Variants in KIAA1328 observed in about 807,000 individuals in gnomAD.
KIAA1328 encodes protein hinderin.
KIAA1328 carries 52 observed loss-of-function variants against 68.1 expected under a neutral mutation model. The ratio of observed to expected loss-of-function variants is 0.76; its 90% CI spans 0.61 to 0.96. KIAA1328 has a LOEUF of 0.96. Ranked by LOEUF, KIAA1328 falls within the 40% of genes least tolerant of loss-of-function variation. KIAA1328 has a pLI of 0.00. For missense variants in KIAA1328, 641 were observed against 677.6 expected (o/e 0.95, Z 0.60); for synonymous variants, 232 against 239.4 (o/e 0.97, Z 0.28).
In KIAA1328 at chr18:36,938,856, C is replaced by T. The variant is rs111487520; in HGVS notation, c.449-20452C>T. On this transcript the variant is annotated intron_variant, in intron 5 of 9. Coordinates refer to ENST00000280020, the MANE Select transcript of KIAA1328 (RefSeq NM_020776.3). The stretch of plus-strand genomic sequence containing the variant: ...CGAAGAGACTCTGTTTTCATCATAG[C>T]GTATTCTTGGCACCTTTGCTGAAAA... Among the ~76,000 whole-genome samples, 432 of 152,228 alleles carry T rather than the reference C, an allele frequency of 2.8e-3. 4 individuals are homozygous for T. Among genetic ancestry groups the T allele is most frequent in the Admixed American group, 4.7e-3 (72 of 15,282 alleles).
At chr18:36,829,221 G>T in intron 1 of KIAA1328, 25 bp downstream of exon 1, 1 of 1,499,332 alleles carries the variant, frequency 6.7e-7, no homozygotes. Context: ...CCTGACAGGG[G>T]GCGCCGGCGC....
chr18:36,959,674 G>C (rs2051577495), intron 6 of KIAA1328, among the ~76,000 whole-genome samples: 1 of 152,138 alleles, frequency 6.6e-6, no homozygotes, highest in South Asian at 2.1e-4. Context: ...GGAAGCTTCT[G>C]GTTGTATGAA....
chr18:36,962,671 A>G (rs2051736762), intron 6 of KIAA1328, among the ~76,000 whole-genome samples: 1 of 152,244 alleles, frequency 6.6e-6, no homozygotes, highest in African/African-American at 2.4e-5. Context: ...AAACTCACTC[A>G]AAACGGCACA....
downstream of KIAA1328, among the ~76,000 whole-genome samples, chr18:37,227,968 T>A (rs1432922320): frequency 6.6e-6 from 1 of 151,956 alleles, no homozygotes; most frequent in Admixed American, 6.6e-5. Context: ...TGGGAGAAGG[T>A]CAAAATATCA....
At chr18:37,152,202 A>C (rs2059050067) in intron 7 of KIAA1328, among the ~76,000 whole-genome samples, 1 of 152,078 alleles carries the variant, frequency 6.6e-6, no homozygotes, top group Admixed American at 6.6e-5. Context: ...AGTAGTTCTC[A>C]AAGAGGTAGT....
chr18:37,079,872 G>A (rs1321101390), intron 7 of KIAA1328, among the ~76,000 whole-genome samples: 2 of 141,870 alleles, frequency 1.4e-5, no homozygotes, highest in Non-Finnish European at 3.1e-5. Context: ...CGGTGACAGA[G>A]CAAGGCTGTC....
chr18:36,895,423 T>C (rs2048837645), intron 5 of KIAA1328, among the ~76,000 whole-genome samples: 1 of 152,146 alleles, frequency 6.6e-6, no homozygotes. Flanking sequence ...TGTGAAGGGA[T>C]GTTTTGGGAT....
Position 37,224,480 on chromosome 18 carries a change from T to C in KIAA1328, c.*2253T>C. On this transcript the variant is annotated 3_prime_UTR_variant, in exon 10 of 10. Transcript: ENST00000280020. ...CATCACCAGTTGCCTTTTTCTAACT[T>C]AATGGACATTTTGTTGGTGTTGGTG... The C allele has an allele frequency of 1.0e-6, 1 of 985,456 alleles. No homozygotes were observed. The highest frequency in any genetic ancestry group is 1.2e-6 in the Non-Finnish European group (1 of 829,926). The allele number at this position is 985,456 out of a possible 1,614,324, so 61.0% of individuals were successfully genotyped here. A position where few individuals can be genotyped will look rare whatever the true frequency, so the allele number is the denominator to read the frequency against.
chr18:36,842,548 A>G (rs1172104940), intron 3 of KIAA1328, among the ~76,000 whole-genome samples: 3 of 152,192 alleles, frequency 2.0e-5, no homozygotes, highest in African/African-American at 4.8e-5. Flanking sequence ...AGTTAGTATC[A>G]TAGCTACCAG....
chr18:36,899,663 C>T (rs958980351), intron 5 of KIAA1328, among the ~76,000 whole-genome samples: 1 of 151,878 alleles, frequency 6.6e-6, no homozygotes, highest in African/African-American at 2.4e-5. Context: ...TTAAAAGATG[C>T]TGAAATGTTT....
At chr18:37,075,602 GAC>G (rs1474766458) in intron 7 of KIAA1328, 1 of 152,116 alleles carries the variant, frequency 6.6e-6, no homozygotes, top group Non-Finnish European at 1.5e-5. Flanking sequence ...CACATGCAGA[GAC>G]ACACATAGGC....
intron 6 of KIAA1328, among the ~76,000 whole-genome samples, chr18:37,039,647 G>A (rs1026823924): frequency 1.3e-5 from 2 of 152,148 alleles, no homozygotes; most frequent in South Asian, 2.1e-4. Flanking sequence ...TCTTGACCTC[G>A]TGATCCGCCC....
At chr18:36,920,186 G>T (rs891684358) in intron 5 of KIAA1328, among the ~76,000 whole-genome samples, 1 of 152,052 alleles carries the variant, frequency 6.6e-6, no homozygotes, top group African/African-American at 2.4e-5. Context: ...TATAGTTTGA[G>T]ATCTTATAAG....
intron 5 of KIAA1328, among the ~76,000 whole-genome samples, chr18:36,928,415 A>G (rs1334985075): frequency 6.6e-6 from 1 of 152,070 alleles, no homozygotes; most frequent in Non-Finnish European, 1.5e-5. Flanking sequence ...CAGTTTTTTC[A>G]TCTGTAAAAT....
chr18:37,064,796 T>C (rs1248655343), intron 6 of KIAA1328, among the ~76,000 whole-genome samples: 1 of 151,982 alleles, frequency 6.6e-6, no homozygotes, highest in Non-Finnish European at 1.5e-5. Flanking sequence ...GGAAGGGCTA[T>C]AAAAGTGAGA....
intron 5 of KIAA1328, among the ~76,000 whole-genome samples, chr18:36,890,107 G>A (rs569154562): frequency 1.3e-3 from 197 of 152,072 alleles, no homozygotes; most frequent in Non-Finnish European, 2.4e-3. Flanking sequence ...TAAATTGAAG[G>A]GGTTTAGAAA....
intron 8 of KIAA1328, among the ~76,000 whole-genome samples, chr18:37,164,650 G>A (rs375001677): frequency 1.3e-5 from 2 of 152,166 alleles, no homozygotes; most frequent in African/African-American, 4.8e-5. Context: ...GGAGGCTGAC[G>A]CAGAAGAATT....
chr18:36,976,266 G>A (rs1319724753), intron 6 of KIAA1328, among the ~76,000 whole-genome samples: 3 of 152,178 alleles, frequency 2.0e-5, no homozygotes, highest in South Asian at 2.1e-4. Context: ...TATAAGAAAT[G>A]TATGAGTTCC....
chr18:36,968,358 T>C (rs2052029580), intron 6 of KIAA1328, among the ~76,000 whole-genome samples: 1 of 152,166 alleles, frequency 6.6e-6, no homozygotes, highest in East Asian at 1.9e-4. Context: ...AATGGTATGT[T>C]GTGTTCAAGA....
Sources: allele counts gnomAD v4.1 joint callset (sites outside exome capture counted in the v4.1 genomes callset), GRCh38; gene constraint gnomAD v4.1.1; transcripts MANE v1.5; gene names NCBI Gene and HGNC (gene_info 2026-07-23, HGNC 2026-07-21).